Variants in KIAA1217 observed in about 807,000 individuals in gnomAD.
KIAA1217 encodes KIAA1217.
KIAA1217 carries 88 observed loss-of-function variants against 163.9 expected under a neutral mutation model. The observed-to-expected ratio is 0.54, with a 90% CI of 0.45 to 0.64. The LOEUF is 0.64. Among genes scored for constraint, KIAA1217 ranks in the 30% least tolerant of loss-of-function variants. The pLI is 0.00. For synonymous variants in KIAA1217, 903 were observed against 923.1 expected, an observed-to-expected ratio of 0.98 and a Z score of 0.39; for missense variants, 2,372 against 2,475.0, an observed-to-expected ratio of 0.96 and a Z score of 0.88.
intron 2 of KIAA1217, among the ~76,000 whole-genome samples, chr10:24,098,171 T>G (rs750025171): frequency 6.6e-6 from 1 of 151,962 alleles, no homozygotes; most frequent in Non-Finnish European, 1.5e-5. Flanking sequence ...TATGGGATCT[T>G]ATGGAAACAG....
At chr10:23,747,070 A>C (rs918359750) in intron 1 of KIAA1217, among the ~76,000 whole-genome samples, 1 of 152,202 alleles carries the variant, frequency 6.6e-6, no homozygotes, top group Non-Finnish European at 1.5e-5. Flanking sequence ...AAGGAAGCGA[A>C]GACTACGCAG....
intron 2 of KIAA1217, among the ~76,000 whole-genome samples, chr10:24,141,867 G>GT (rs35176557): frequency 0.69 from 103,469 of 149,538 alleles, 35,766 homozygotes; most frequent in Middle Eastern, 0.77. Context: ...AATTTCTATT[G>GT]TTTTTTTTTA....
intron 1 of KIAA1217, 47 bp from the exon 2 acceptor site, chr10:24,219,579 T>C: frequency 6.7e-7 from 1 of 1,490,220 alleles, no homozygotes; most frequent in Non-Finnish European, 9.0e-7. Flanking sequence ...AAATGAGACT[T>C]CTAGTGTGAA....
intron 1 of KIAA1217, among the ~76,000 whole-genome samples, chr10:23,743,742 T>A (rs1385505177): frequency 6.6e-6 from 1 of 152,200 alleles, no homozygotes; most frequent in Non-Finnish European, 1.5e-5. Context: ...GCAAATTGCA[T>A]TTATAAAGAG....
At chr10:24,106,875 G>C (rs528967515) in intron 2 of KIAA1217, among the ~76,000 whole-genome samples, 1 of 152,248 alleles carries the variant, frequency 6.6e-6, no homozygotes, top group South Asian at 2.1e-4. Flanking sequence ...TGGTTGGTTG[G>C]TTTTGTTTTT....
chr10:24,053,452 AT>A (rs1849661579), intron 2 of KIAA1217, among the ~76,000 whole-genome samples: 1 of 152,096 alleles, frequency 6.6e-6, no homozygotes, highest in South Asian at 2.1e-4. Flanking sequence ...GGTATATTAC[AT>A]TTTTAACATA....
chr10:24,395,287 A>T (rs771510307), intron 3 of KIAA1217, among the ~76,000 whole-genome samples: 4 of 152,126 alleles, frequency 2.6e-5, no homozygotes, highest in Non-Finnish European at 5.9e-5. Flanking sequence ...CCCCTGCTGG[A>T]CACCCTTAGA....
intron 2 of KIAA1217, among the ~76,000 whole-genome samples, chr10:24,067,418 T>G (rs1466498764): frequency 6.6e-6 from 1 of 152,188 alleles, no homozygotes; most frequent in Non-Finnish European, 1.5e-5. Flanking sequence ...CTCCAGACCC[T>G]GTTTGCCTGG....
intron 2 of KIAA1217, among the ~76,000 whole-genome samples, chr10:24,162,496 G>C (rs1048324411): frequency 2.0e-5 from 3 of 152,206 alleles, no homozygotes; most frequent in Non-Finnish European, 4.4e-5. Flanking sequence ...GAGCAAGCAG[G>C]TGTCTGTCTC....
At chr10:24,012,838 T>G (rs1847298193) in intron 2 of KIAA1217, among the ~76,000 whole-genome samples, 1 of 152,152 alleles carries the variant, frequency 6.6e-6, no homozygotes, top group Non-Finnish European at 1.5e-5. Context: ...CATGCTTCTG[T>G]TGGTAGAAAA....
chr10:24,510,175 A>C (rs1564826725), intron 9 of KIAA1217, among the ~76,000 whole-genome samples: 1 of 152,134 alleles, frequency 6.6e-6, no homozygotes, highest in Non-Finnish European at 1.5e-5. Flanking sequence ...AATTCAGAAG[A>C]CCTGGTTCTA....
chr10:24,471,635 C>T (rs2063524493), intron 5 of KIAA1217, among the ~76,000 whole-genome samples: 1 of 151,924 alleles, frequency 6.6e-6, no homozygotes, highest in Admixed American at 6.6e-5. Context: ...ATAATCCCAG[C>T]ACTGTGGGAG....
At chr10:24,316,901 G>T (rs1564460316) in intron 2 of KIAA1217, among the ~76,000 whole-genome samples, 1 of 152,154 alleles carries the variant, frequency 6.6e-6, no homozygotes, top group Non-Finnish European at 1.5e-5. Flanking sequence ...AATGAAAACT[G>T]CCTGTTCAAA....
At chr10:24,314,329 A>C (rs751122500) in intron 2 of KIAA1217, among the ~76,000 whole-genome samples, 8 of 152,312 alleles carry the variant, frequency 5.3e-5, no homozygotes, top group South Asian at 2.1e-4. Context: ...GCATCTTGAC[A>C]ACATGCGGGA....
At chr10:24,295,998 T>G (rs992796618) in intron 2 of KIAA1217, among the ~76,000 whole-genome samples, 5 of 152,216 alleles carry the variant, frequency 3.3e-5, no homozygotes, top group Non-Finnish European at 7.3e-5. Flanking sequence ...CCTTAGTACT[T>G]AAAATGTCCT....
intron 2 of KIAA1217, among the ~76,000 whole-genome samples, chr10:24,196,976 G>T (rs1330507007): frequency 6.6e-6 from 1 of 152,130 alleles, no homozygotes; most frequent in Non-Finnish European, 1.5e-5. Context: ...CTATATGCCA[G>T]GCACCGTGCC....
chr10:23,960,558 C>T (rs915556523), intron 1 of KIAA1217, among the ~76,000 whole-genome samples: 29 of 152,142 alleles, frequency 1.9e-4, no homozygotes, highest in East Asian at 1.9e-4. Flanking sequence ...CGCCTGGCTA[C>T]GTTTTCATTC....
In KIAA1217 at chr10:24,187,090, A is replaced by G. The variant is rs539408613; in HGVS notation, c.-170-32536A>G. On this transcript the variant is annotated intron_variant, in intron 2 of 18. Transcript: ENST00000376462. ...TTGATCTGCCTTTGAGACTCTCCGT[A>G]CAGCCCTGGTCTGCCAGTCTGACCA... is the stretch of plus-strand genomic sequence containing the variant. 9.9e-4 allele frequency among the ~76,000 whole-genome samples: 151 copies of G among 152,158 alleles called. No individual in the cohort carries two copies. The Middle Eastern group carries it at 0.02, about 21-fold the overall frequency.
intron 11 of KIAA1217, among the ~76,000 whole-genome samples, chr10:24,520,647 A>AT (rs1193579727): frequency 4.2e-4 from 34 of 81,638 alleles, no homozygotes; most frequent in Non-Finnish European, 6.0e-4. Context: ...AAAAAAAAAA[A>AT]AAAAATATAT....
Sources: gnomAD v4.1 joint callset for allele counts (sites outside exome capture counted in the v4.1 genomes callset) on GRCh38, gnomAD v4.1.1 for gene constraint, MANE v1.5 for transcripts, NCBI Gene and HGNC (gene_info 2026-07-23, HGNC 2026-07-21) for gene names.